The following KCNIP4 variants were observed in gnomAD, a reference collection of about 807,000 sequenced individuals.
KCNIP4 encodes the protein potassium voltage-gated channel interacting protein 4.
A neutral mutation model predicts 34.0 loss-of-function variants in KCNIP4; 12 were observed. The observed-to-expected ratio is 0.35, with a 90% CI of 0.23 to 0.57. The LOEUF (loss-of-function observed/expected upper bound fraction) is 0.57, where lower values mean the gene tolerates loss of function less well. Ranked by LOEUF, KCNIP4 falls within the 20% of genes least tolerant of loss-of-function variation. KCNIP4 has a pLI of 0.83. For missense variants in KCNIP4, 238 were observed against 311.7 expected (o/e 0.76, Z 1.78); for synonymous variants, 124 against 102.2 (o/e 1.21, Z -1.29).
At chr4:21,091,869 A>T (rs1747026789) in intron 1 of KCNIP4, among the ~76,000 whole-genome samples, 1 of 152,172 alleles carries the variant, frequency 6.6e-6, no homozygotes, top group Non-Finnish European at 1.5e-5. Flanking sequence ...GTATTATCAC[A>T]TTGAAGGTTT....
At chr4:21,113,454 TTAAAAAAA>T (rs1156683020) in intron 1 of KCNIP4, among the ~76,000 whole-genome samples, 1 of 55,662 alleles carries the variant, frequency 1.8e-5, no homozygotes, top group African/African-American at 7.8e-5. Flanking sequence ...ATCTATAAGT[TTAAAAAAA>T]AAAAAAAAAA....
At chr4:21,274,448 T>A in intron 1 of KCNIP4, among the ~76,000 whole-genome samples, 1 of 152,194 alleles carries the variant, frequency 6.6e-6, no homozygotes, top group Non-Finnish European at 1.5e-5. Flanking sequence ...TAGAATTCTT[T>A]AAAACCAACG....
chr4:21,554,670 G>A (rs1412253843), intron 1 of KCNIP4, among the ~76,000 whole-genome samples: 1 of 152,004 alleles, frequency 6.6e-6, no homozygotes, highest in Non-Finnish European at 1.5e-5. Flanking sequence ...TCACTCTGCT[G>A]TGGCTTGTCC....
chr4:20,966,642 CAT>C (rs1391231698), intron 1 of KCNIP4, among the ~76,000 whole-genome samples: 1 of 152,168 alleles, frequency 6.6e-6, no homozygotes, highest in African/African-American at 2.4e-5. Flanking sequence ...TGGACTATCT[CAT>C]GTGTAACAGA....
Position 21,360,672 on chromosome 4 carries a change from G to T in KCNIP4, c.62-477963C>A, listed in dbSNP as rs1719126006. Among the ~76,000 whole-genome samples the T allele has an allele frequency of 2.6e-5, 4 of 152,078 alleles. No individual in the cohort carries two copies. In the South Asian group the frequency reaches 8.3e-4, roughly 32 times the overall value. ...CAAACAGCCTCTAATGGAAAAAGAA[G>T]ATTGTGTTTCTAAAAATTCCCCACA... On this transcript the variant is annotated intron_variant, in intron 1 of 8. Transcript: ENST00000382152.
chr4:20,967,151 T>A (rs1734433086), intron 1 of KCNIP4, among the ~76,000 whole-genome samples: 1 of 152,222 alleles, frequency 6.6e-6, no homozygotes, highest in African/African-American at 2.4e-5. Flanking sequence ...GAAGTTTGAA[T>A]GAGCTTTCAT....
intron 1 of KCNIP4, among the ~76,000 whole-genome samples, chr4:21,207,452 G>A (rs1756926783): frequency 6.6e-6 from 1 of 151,950 alleles, no homozygotes; most frequent in Non-Finnish European, 1.5e-5. Flanking sequence ...TAATACATAT[G>A]CATTGTTTTT....
At chr4:21,778,210 T>G (rs1237029722) in intron 1 of KCNIP4, among the ~76,000 whole-genome samples, 3 of 134,886 alleles carry the variant, frequency 2.2e-5, no homozygotes, top group Non-Finnish European at 4.5e-5. Context: ...TATTTGTTTC[T>G]TTTTCCTTTT....
intron 1 of KCNIP4, among the ~76,000 whole-genome samples, chr4:21,140,835 T>C (rs1280477147): frequency 6.6e-6 from 1 of 152,182 alleles, no homozygotes; most frequent in African/African-American, 2.4e-5. Flanking sequence ...CTGCTATTGA[T>C]CACCTTTAAG....
intron 1 of KCNIP4, among the ~76,000 whole-genome samples, chr4:21,600,542 A>G (rs2109118282): frequency 6.6e-6 from 1 of 151,714 alleles, no homozygotes; most frequent in African/African-American, 2.4e-5. Context: ...ATTAGCGTAA[A>G]CTATAGTCAT....
intron 1 of KCNIP4, among the ~76,000 whole-genome samples, chr4:21,784,699 G>A (rs544121132): frequency 1.3e-5 from 2 of 152,170 alleles, no homozygotes; most frequent in East Asian, 1.9e-4. Context: ...ACATTCTGAC[G>A]AAAATCCAAC....
At chr4:21,616,153 C>T (rs1010904874) in intron 1 of KCNIP4, among the ~76,000 whole-genome samples, 2 of 152,196 alleles carry the variant, frequency 1.3e-5, no homozygotes, top group Non-Finnish European at 2.9e-5. Context: ...GCATCTTCAT[C>T]ATGCTCCAGC....
At chr4:21,785,610 T>TAAATAAATAAATAAATAAATAAAATA (rs1553931494) in intron 1 of KCNIP4, among the ~76,000 whole-genome samples, 6 of 147,568 alleles carry the variant, frequency 4.1e-5, no homozygotes, top group Non-Finnish European at 7.4e-5. Flanking sequence ...AATAAATAAA[T>TAAATAAATAAATAAATAAATAAAATA]AAATAAAATA....
intron 1 of KCNIP4, among the ~76,000 whole-genome samples, chr4:21,946,756 A>G (rs1365508667): frequency 6.6e-6 from 1 of 152,192 alleles, no homozygotes; most frequent in Non-Finnish European, 1.5e-5. Flanking sequence ...CAGCCAGAAA[A>G]CTCATCACTT....
chr4:21,176,605 C>A (rs1187387031), intron 1 of KCNIP4, among the ~76,000 whole-genome samples: 1 of 152,232 alleles, frequency 6.6e-6, no homozygotes, highest in Non-Finnish European at 1.5e-5. Flanking sequence ...TCACTGCAAC[C>A]TCCACCTCCC....
chr4:20,971,479 C>CTT (rs147957770), intron 1 of KCNIP4, among the ~76,000 whole-genome samples: 82 of 148,828 alleles, frequency 5.5e-4, no homozygotes, highest in Admixed American at 1.8e-3. Flanking sequence ...GCAAACCATA[C>CTT]TTTTTTTTTT....
At chr4:21,309,579 C>T (rs1712899913) in intron 1 of KCNIP4, among the ~76,000 whole-genome samples, 1 of 152,176 alleles carries the variant, frequency 6.6e-6, no homozygotes, top group Non-Finnish European at 1.5e-5. Flanking sequence ...TAATCACTAT[C>T]TGAGAGACTA....
intron 1 of KCNIP4, among the ~76,000 whole-genome samples, chr4:21,275,199 C>A (rs541332867): frequency 6.6e-6 from 1 of 152,202 alleles, no homozygotes; most frequent in African/African-American, 2.4e-5. Flanking sequence ...ATCCTGACAG[C>A]AAAAATAATT....
intron 5 of KCNIP4, among the ~76,000 whole-genome samples, chr4:20,747,223 A>G (rs185381815): frequency 1.4e-4 from 22 of 152,330 alleles, no homozygotes; most frequent in Admixed American, 1.4e-3. Context: ...ATAAAATTGG[A>G]TATAATGTGC....
Sources: allele counts gnomAD v4.1 joint callset (sites outside exome capture counted in the v4.1 genomes callset), GRCh38; gene constraint gnomAD v4.1.1; transcripts MANE v1.5; gene names NCBI Gene and HGNC (gene_info 2026-07-23, HGNC 2026-07-21).